The following KCNK1 variants were observed in gnomAD, a reference collection of about 807,000 sequenced individuals.
The protein encoded by KCNK1 is potassium channel subfamily K member 1.
In KCNK1, 10 loss-of-function variants were observed where a neutral mutation model predicts 22.2. That is an observed-to-expected ratio of 0.45 (90% confidence interval 0.28 to 0.76). The LOEUF (loss-of-function observed/expected upper bound fraction) is 0.76. KCNK1 is among the 30% of genes least tolerant of loss of function. KCNK1 has a pLI of 0.14. For missense variants in KCNK1, 378 were observed against 421.0 expected (o/e 0.90, Z 0.89); for synonymous variants, 200 against 186.4 (o/e 1.07, Z -0.60).
At chr1:233,630,163 A>T (rs41272647) in intron 1 of KCNK1, among the ~76,000 whole-genome samples, 2,125 of 152,250 alleles carry the variant, frequency 0.014, 23 homozygotes, top group Non-Finnish European at 0.022. Context: ...TACCTGTAGG[A>T]TGCTGCTTGT....
At chr1:233,625,920 G>A (rs1051479133) in intron 1 of KCNK1, among the ~76,000 whole-genome samples, 2 of 152,084 alleles carry the variant, frequency 1.3e-5, no homozygotes, top group Non-Finnish European at 2.9e-5. Flanking sequence ...GAAGGGGAGG[G>A]AGCAGATGCT....
chr1:233,627,071 T>C (rs1352786933), intron 1 of KCNK1, among the ~76,000 whole-genome samples: 1 of 152,044 alleles, frequency 6.6e-6, no homozygotes, highest in South Asian at 2.1e-4. Flanking sequence ...AATAAACACA[T>C]TGACGATTTT....
intron 1 of KCNK1, among the ~76,000 whole-genome samples, chr1:233,657,455 A>T (rs1658317083): frequency 6.6e-6 from 1 of 152,194 alleles, no homozygotes; most frequent in African/African-American, 2.4e-5. Context: ...TAACCTAGCA[A>T]GACATCAAAT....
chr1:233,615,949 A>C (rs1288629152), intron 1 of KCNK1, among the ~76,000 whole-genome samples: 1 of 152,168 alleles, frequency 6.6e-6, no homozygotes, highest in Non-Finnish European at 1.5e-5. Context: ...GATCTAAAAA[A>C]CTGTTAAATG....
intron 1 of KCNK1, chr1:233,630,775 C>T (rs1657777844): frequency 6.5e-6 from 1 of 154,018 alleles, no homozygotes; most frequent in African/African-American, 2.4e-5. Flanking sequence ...GTCATTTCCA[C>T]ACTCATGCCC....
At chr1:233,646,502 C>G (rs776348255) in intron 1 of KCNK1, among the ~76,000 whole-genome samples, 19 of 151,988 alleles carry the variant, frequency 1.3e-4, no homozygotes, top group Non-Finnish European at 2.5e-4. Flanking sequence ...CCTCAGCTCT[C>G]AAGGTGGCCG....
intron 1 of KCNK1, among the ~76,000 whole-genome samples, chr1:233,617,001 T>G (rs1461592999): frequency 1.3e-5 from 2 of 152,162 alleles, no homozygotes; most frequent in Non-Finnish European, 2.9e-5. Context: ...ATAAAATGAG[T>G]TGCAATCGCT....
intron 1 of KCNK1, 127 bp from the exon 2 acceptor site, chr1:233,666,468 A>G (rs1658491335): frequency 2.4e-6 from 2 of 826,172 alleles, no homozygotes; most frequent in Non-Finnish European, 3.7e-6. Context: ...AAAGTGGCAG[A>G]CCTGAAGTCT....
chr1:233,645,918 GA>G (rs932813212), intron 1 of KCNK1, among the ~76,000 whole-genome samples: 9 of 151,698 alleles, frequency 5.9e-5, no homozygotes, highest in African/African-American at 2.2e-4. Flanking sequence ...ACAAGGGAAA[GA>G]AAAAAAAGCT....
chr1:233,667,053 A>G, intron 2 of KCNK1, 63 bp downstream of exon 2: 1 of 1,261,672 alleles, frequency 7.9e-7, no homozygotes, highest in Non-Finnish European at 1.0e-6. Flanking sequence ...TTATTTATTT[A>G]TTTATTTTGA....
intron 2 of KCNK1, 137 bp from the exon 3 acceptor site, chr1:233,671,134 T>G: frequency 1.3e-6 from 1 of 784,078 alleles, no homozygotes; most frequent in South Asian, 1.7e-5. Flanking sequence ...TAAAAACACT[T>G]CTAAAAATTA....
At chr1:233,661,808 G>C (rs931392988) in intron 1 of KCNK1, 3 of 152,208 alleles carry the variant, frequency 2.0e-5, no homozygotes, top group African/African-American at 7.2e-5. Context: ...TTGTATGCAA[G>C]ATATCTTGAA....
At chr1:233,644,416 A>T (rs940730876) in intron 1 of KCNK1, among the ~76,000 whole-genome samples, 1 of 152,258 alleles carries the variant, frequency 6.6e-6, no homozygotes, top group Non-Finnish European at 1.5e-5. Flanking sequence ...ACTTAGGCAT[A>T]CAATGATAAA....
chr1:233,645,741 G>A lies in KCNK1; in HGVS notation c.356-20854G>A, dbSNP rs868836201. Among the ~76,000 whole-genome samples the A allele has an allele frequency of 2.0e-5, 3 of 152,284 alleles. No individual in the cohort carries two copies. The East Asian group carries it at 5.8e-4, about 29-fold the overall frequency. ...GTCTCATAGGCTTGGCGTACATTAG[G>A]GGGTGGAGGATTGGAATCATGGGGG... On this transcript the variant is annotated intron_variant, in intron 1 of 2. Coordinates refer to ENST00000366621, the MANE Select transcript of KCNK1 (RefSeq NM_002245.4).
intron 1 of KCNK1, among the ~76,000 whole-genome samples, chr1:233,643,663 G>C (rs916800132): frequency 1.4e-5 from 2 of 143,016 alleles, no homozygotes; most frequent in Admixed American, 1.4e-4. Flanking sequence ...GTTGGCAGGA[G>C]GAGCCAAAAC....
intron 1 of KCNK1, among the ~76,000 whole-genome samples, chr1:233,622,430 G>A (rs1475916217): frequency 6.6e-6 from 1 of 152,248 alleles, no homozygotes; most frequent in Non-Finnish European, 1.5e-5. Flanking sequence ...TTCAAGGCAG[G>A]AGATAAAGGT....
intron 1 of KCNK1, among the ~76,000 whole-genome samples, chr1:233,659,093 T>C (rs10732966): frequency 0.87 from 132,334 of 152,122 alleles, 57,594 homozygotes; most frequent in Admixed American, 0.9. Context: ...TTGATTCTTT[T>C]GTGATAACGT....
intron 1 of KCNK1, among the ~76,000 whole-genome samples, chr1:233,621,036 A>G (rs79689153): frequency 1.3e-5 from 2 of 152,330 alleles, no homozygotes; most frequent in East Asian, 3.9e-4. Flanking sequence ...CGGAAGTGAC[A>G]TGGTCTTAAT....
At position 233,666,836 on chromosome 1, in the gene KCNK1, G is replaced by A. The variant is rs141323162; in HGVS notation, c.597G>A (p.Pro199=). The A allele has an allele frequency of 7.2e-5, 117 of 1,614,108 alleles. No individual in the cohort carries two copies. In the African/African-American group the frequency reaches 7.3e-4, roughly 10 times the overall value. ...FVTVSCFFFI[P]AAVFSVLEDD... Reference sequence around the variant, plus strand: ...CTGTGTCCTGCTTCTTCTTCATCCCGGCCGCTGTCTTCTCAGTCCTGGAGG... The same window carrying A: ...CTGTGTCCTGCTTCTTCTTCATCCCAGCCGCTGTCTTCTCAGTCCTGGAGG... The change falls in exon 2 of 3, where the codon CCG becomes CCA. Residue 199 remains proline (P), a synonymous_variant. Transcript: ENST00000366621.
Sources: gnomAD v4.1 joint callset for allele counts (sites outside exome capture counted in the v4.1 genomes callset) on GRCh38, gnomAD v4.1.1 for gene constraint, MANE v1.5 for transcripts, NCBI Gene and HGNC (gene_info 2026-07-23, HGNC 2026-07-21) for gene names.